The following LEPROTL1 variants were observed in gnomAD, a reference collection of about 807,000 sequenced individuals.
LEPROTL1 encodes leptin receptor overlapping transcript like 1.
LEPROTL1 carries 6 observed loss-of-function variants against 15.4 expected under a neutral mutation model. The observed-to-expected ratio is 0.39, with a 90% CI of 0.21 to 0.77. The LOEUF is 0.77. Ranked by LOEUF, LEPROTL1 falls within the 30% of genes least tolerant of loss-of-function variation. The probability of loss-of-function intolerance (pLI) is 0.41; values close to 1 mark genes in which losing one functional copy is unlikely to be tolerated. For synonymous variants in LEPROTL1, 56 were observed against 52.6 expected (o/e 1.06, Z -0.28); for missense variants, 128 against 158.1 (o/e 0.81, Z 1.02).
chr8:30,132,330 G>C lies in LEPROTL1; in HGVS notation c.280-45G>C, dbSNP rs150014128. On this transcript the variant is annotated intron_variant, in intron 3 of 4. Transcript: ENST00000442880. The stretch of plus-strand genomic sequence containing the variant: ...GTCGGAGCCATCGAGCTGTGCTTTG[G>C]TTCCACTTTCTTGAGAACACAGATA... 50 of 1,551,656 alleles carry C rather than the reference G, an allele frequency of 3.2e-5. No homozygotes were observed. Among genetic ancestry groups the C allele is most frequent in the Non-Finnish European group, 4.3e-5 (49 of 1,147,022 alleles).
intron 2 of LEPROTL1, among the ~76,000 whole-genome samples, chr8:30,102,743 A>G (rs1802490933): frequency 6.6e-6 from 1 of 152,182 alleles, no homozygotes; most frequent in Non-Finnish European, 1.5e-5. Flanking sequence ...AAAGATGGAC[A>G]ACTCAATAGA....
intron 3 of LEPROTL1, chr8:30,132,188 C>G: frequency 6.4e-7 from 1 of 1,551,902 alleles, no homozygotes; most frequent in South Asian, 1.2e-5. Flanking sequence ...TCAGCTTCCA[C>G]CATCACGGCC....
chr8:30,117,463 G>T, intron 3 of LEPROTL1: 1 of 1,527,130 alleles, frequency 6.5e-7, no homozygotes, highest in Non-Finnish European at 9.0e-7. Context: ...AGCTGAGGTT[G>T]TCAGTACAAT....
rs73669621 is a variant in LEPROTL1 at position 30,098,997 on chromosome 8, A to G, written c.17-2901A>G. 5.3e-3 allele frequency among the ~76,000 whole-genome samples: 814 copies of G among 152,256 alleles called. 7 individuals carry two copies. Among genetic ancestry groups the G allele is most frequent in the African/African-American group, 0.019 (782 of 41,552 alleles). The stretch of plus-strand genomic sequence containing the variant: ...CCCACATGATTTCCTCCCTCCCCTC[A>G]TACAGATCTTTGCTCAGGTGGTGCT... On this transcript the variant is annotated intron_variant, in intron 1 of 3. Coordinates refer to ENST00000321250, the MANE Select transcript of LEPROTL1 (RefSeq NM_015344.3).
chr8:30,102,052 C>A, intron 2 of LEPROTL1, 79 bp downstream of exon 2: 1 of 825,528 alleles, frequency 1.2e-6, no homozygotes, highest in Non-Finnish European at 1.9e-6. Flanking sequence ...TGTTTTTTTA[C>A]TACTGTAAAA....
chr8:30,125,042 C>A (rs1802885052), intron 3 of LEPROTL1, among the ~76,000 whole-genome samples: 1 of 152,200 alleles, frequency 6.6e-6, no homozygotes, highest in Non-Finnish European at 1.5e-5. Context: ...GGCCATGAAA[C>A]TAAACCAAAG....
At chr8:30,098,853 G>A (rs1217569824) in intron 1 of LEPROTL1, among the ~76,000 whole-genome samples, 1 of 152,160 alleles carries the variant, frequency 6.6e-6, no homozygotes, top group African/African-American at 2.4e-5. Context: ...AGTTGAGAAG[G>A]AAAGACAAAA....
At position 30,095,536 on chromosome 8, in the gene LEPROTL1, T is replaced by C; in HGVS notation, c.16+8T>C. 7.0e-7 allele frequency: 1 copy of C among 1,426,230 alleles called. No homozygotes were observed. Among genetic ancestry groups the C allele is most frequent in the South Asian group, 1.4e-5 (1 of 71,812 alleles). The allele number at this position is 1,426,230 out of a possible 1,614,324, so 88.3% of individuals were successfully genotyped here. A position where few individuals can be genotyped will look rare whatever the true frequency, so the allele number is the denominator to read the frequency against. Reference sequence around the variant, plus strand: ...CCATGGCAGGCATCAAAGGTGGGCCTGGGTTGCAGGACGCGGGAGGGCTGG... The same window carrying C: ...CCATGGCAGGCATCAAAGGTGGGCCCGGGTTGCAGGACGCGGGAGGGCTGG... On this transcript the variant is annotated splice_region_variant and intron_variant, in intron 1 of 3. Transcript: ENST00000321250.
downstream of LEPROTL1, among the ~76,000 whole-genome samples, chr8:30,111,649 T>C (rs1802653822): frequency 6.6e-6 from 1 of 152,166 alleles, no homozygotes; most frequent in Non-Finnish European, 1.5e-5. Flanking sequence ...AGTGGTAATC[T>C]AATGAGATAA....
At chr8:30,128,512 A>G (rs939641020) in intron 3 of LEPROTL1, among the ~76,000 whole-genome samples, 1 of 152,164 alleles carries the variant, frequency 6.6e-6, no homozygotes, top group Non-Finnish European at 1.5e-5. Context: ...GCATTTTGGA[A>G]GGCCAAGGAG....
At chr8:30,100,113 G>C (rs1194759031) in intron 1 of LEPROTL1, among the ~76,000 whole-genome samples, 3 of 152,348 alleles carry the variant, frequency 2.0e-5, no homozygotes, top group Middle Eastern at 6.8e-3. Context: ...TCAGGACTAA[G>C]TGATGTGTTC....
At chr8:30,136,079 C>T (rs1329797158) in intron 4 of LEPROTL1, among the ~76,000 whole-genome samples, 1 of 152,116 alleles carries the variant, frequency 6.6e-6, no homozygotes, top group African/African-American at 2.4e-5. Flanking sequence ...TCACTGAAAG[C>T]AAGGTAGCCT....
downstream of LEPROTL1, among the ~76,000 whole-genome samples, chr8:30,111,390 C>T (rs1282409665): frequency 1.3e-5 from 2 of 152,114 alleles, no homozygotes; most frequent in Non-Finnish European, 2.9e-5. Context: ...GTGCTTAAAA[C>T]AGTGATTTCA....
chr8:30,131,192 A>G (rs891051624), intron 3 of LEPROTL1, among the ~76,000 whole-genome samples: 2 of 151,714 alleles, frequency 1.3e-5, no homozygotes, highest in African/African-American at 2.4e-5. Flanking sequence ...CCTGGGCTCA[A>G]GAGATCCTTC....
chr8:30,110,086 G>A (rs1266347916), downstream of LEPROTL1, among the ~76,000 whole-genome samples: 1 of 152,060 alleles, frequency 6.6e-6, no homozygotes, highest in African/African-American at 2.4e-5. Flanking sequence ...GAAAGTTTAG[G>A]GATGAAGATA....
chr8:30,132,096 G>A lies in LEPROTL1; in HGVS notation c.280-279G>A, dbSNP rs1451902851. The A allele has an allele frequency of 3.9e-6, 6 of 1,551,770 alleles. No homozygotes were observed. The South Asian group carries it at 5.9e-5, about 15-fold the overall frequency. On this transcript the variant is annotated intron_variant, in intron 3 of 4. Transcript: ENST00000442880. ...TGATGTAGGCAATGATCAACTGGGT[G>A]TGGGCCCAGGTGAGGGTTCTATAGA...
In LEPROTL1 at chr8:30,104,390, T is replaced by C. The variant is rs1802522928; in HGVS notation, c.183T>C (p.Ala61=). Reference sequence around the variant, plus strand: ...GAAGATTAGTGGATGATACAGATGCTATGAGTAACGCTTGTAAGGAACTTG... The same window carrying C: ...GAAGATTAGTGGATGATACAGATGCCATGAGTAACGCTTGTAAGGAACTTG... ...IARRLVDDTD[A]MSNACKELAI... is the part of the protein sequence containing the mutation. The change falls in exon 3 of 4, where the codon GCT becomes GCC. Residue 61 remains alanine, a synonymous_variant. Coordinates refer to ENST00000321250, the MANE Select transcript of LEPROTL1 (RefSeq NM_015344.3). The C allele has an allele frequency of 1.9e-6, 3 of 1,612,766 alleles. No homozygotes were observed. The highest frequency in any genetic ancestry group is 2.5e-6 in the Non-Finnish European group (3 of 1,179,216).
At chr8:30,132,864 C>T (rs1803057475) in intron 4 of LEPROTL1, 1 of 1,547,988 alleles carries the variant, frequency 6.5e-7, no homozygotes, top group Admixed American at 2.0e-5. Flanking sequence ...GGGACGTGAC[C>T]CTCTGGGTCA....
At chr8:30,118,651 C>G (rs955505923) in intron 3 of LEPROTL1, among the ~76,000 whole-genome samples, 57 of 152,270 alleles carry the variant, frequency 3.7e-4, no homozygotes, top group African/African-American at 1.3e-3. Context: ...GAGACTGGCG[C>G]TCAGCATATG....
Sources: allele counts gnomAD v4.1 joint callset (sites outside exome capture counted in the v4.1 genomes callset), GRCh38; gene constraint gnomAD v4.1.1; transcripts MANE v1.5; gene names NCBI Gene and HGNC (gene_info 2026-07-23, HGNC 2026-07-21).